The following SORBS2 variants were observed in gnomAD, a reference collection of about 807,000 sequenced individuals.
The protein encoded by SORBS2 is sorbin and SH3 domain-containing protein 2.
In SORBS2, 46 loss-of-function variants were observed where a neutral mutation model predicts 97.7. That is an observed-to-expected ratio of 0.47 (90% CI 0.37 to 0.60). The LOEUF is 0.60. Among genes scored for constraint, SORBS2 ranks in the 20% least tolerant of loss-of-function variants. The pLI is 0.00. For missense variants in SORBS2, 1,316 were observed against 1,282.3 expected (o/e 1.03, Z -0.40); for synonymous variants, 476 against 473.4 (o/e 1.01, Z -0.07).
chr4:185,616,214 T>C (rs537224839), intron 9 of SORBS2, among the ~76,000 whole-genome samples: 11 of 152,240 alleles, frequency 7.2e-5, no homozygotes, highest in Non-Finnish European at 1.3e-4. Flanking sequence ...TTTATTAGTA[T>C]AGGCCGTTTG....
chr4:185,603,794 G>C (rs913725176), intron 12 of SORBS2, among the ~76,000 whole-genome samples: 8 of 152,184 alleles, frequency 5.3e-5, no homozygotes, highest in Non-Finnish European at 8.8e-5. Flanking sequence ...TTTAAAAATA[G>C]TATCTTTAGG....
intron 4 of SORBS2, among the ~76,000 whole-genome samples, chr4:185,639,864 T>C (rs370403810): frequency 5.3e-5 from 8 of 152,308 alleles, no homozygotes; most frequent in African/African-American, 1.9e-4. Flanking sequence ...ACTCAGGGAC[T>C]TAAACTGAAT....
At chr4:185,625,542 T>A (rs1465493736) in intron 6 of SORBS2, among the ~76,000 whole-genome samples, 1 of 152,242 alleles carries the variant, frequency 6.6e-6, no homozygotes, top group Non-Finnish European at 1.5e-5. Flanking sequence ...TGATTTAACA[T>A]TCCCTGTGAT....
At chr4:185,890,341 C>T (rs2099241817) in intron 1 of SORBS2, among the ~76,000 whole-genome samples, 1 of 152,172 alleles carries the variant, frequency 6.6e-6, no homozygotes, top group South Asian at 2.1e-4. Flanking sequence ...CCGTGGCTAA[C>T]ATCTATGGAA....
intron 1 of SORBS2, among the ~76,000 whole-genome samples, chr4:185,854,137 C>A (rs1444684053): frequency 6.6e-6 from 1 of 152,178 alleles, no homozygotes; most frequent in African/African-American, 2.4e-5. Context: ...CCAGAGGAAG[C>A]AGCACCTGAG....
chr4:185,886,554 C>CAAAAAA (rs1198439527), intron 1 of SORBS2, among the ~76,000 whole-genome samples: 25 of 72,760 alleles, frequency 3.4e-4, no homozygotes, highest in East Asian at 1.1e-3. Flanking sequence ...GACTCTGTCT[C>CAAAAAA]AAAAAAAAAA....
At chr4:185,723,660 A>C (rs1190512520) in intron 2 of SORBS2, among the ~76,000 whole-genome samples, 1 of 152,208 alleles carries the variant, frequency 6.6e-6, no homozygotes, top group Non-Finnish European at 1.5e-5. Context: ...AGTGTGTCTT[A>C]TCCATGCTTG....
chr4:185,951,767 A>G (rs1165458468), intron 1 of SORBS2, among the ~76,000 whole-genome samples: 1 of 152,190 alleles, frequency 6.6e-6, no homozygotes, highest in Non-Finnish European at 1.5e-5. Context: ...CACCTTTCCC[A>G]TCGGGTAACT....
intron 3 of SORBS2, among the ~76,000 whole-genome samples, chr4:185,647,537 C>T (rs1391780616): frequency 1.3e-5 from 2 of 151,902 alleles, no homozygotes; most frequent in Non-Finnish European, 2.9e-5. Context: ...TCTCCTCAGC[C>T]TCCCAGGGGC....
chr4:185,642,350 T>C (rs937672450), intron 4 of SORBS2, among the ~76,000 whole-genome samples: 119 of 152,062 alleles, frequency 7.8e-4, no homozygotes, highest in African/African-American at 2.6e-3. Flanking sequence ...CATTTTCATA[T>C]ATTTTTTTTT....
chr4:185,884,034 G>C (rs1006898046), intron 1 of SORBS2, among the ~76,000 whole-genome samples: 6 of 152,160 alleles, frequency 3.9e-5, no homozygotes, highest in Admixed American at 3.3e-4. Flanking sequence ...ATCAGGAGGT[G>C]GGGGAGGAAG....
At chr4:185,836,401 T>G (rs1014529070) in intron 1 of SORBS2, among the ~76,000 whole-genome samples, 1 of 152,158 alleles carries the variant, frequency 6.6e-6, no homozygotes, top group Non-Finnish European at 1.5e-5. Flanking sequence ...AGAGGTCAGG[T>G]GGGACACAGA....
intron 1 of SORBS2, among the ~76,000 whole-genome samples, chr4:185,912,182 T>A (rs2099255504): frequency 6.6e-6 from 1 of 152,192 alleles, no homozygotes; most frequent in African/African-American, 2.4e-5. Flanking sequence ...TTCTTTCTTT[T>A]CTCAGTGGTG....
chr4:185,763,905 G>T (rs2098919271), intron 2 of SORBS2, among the ~76,000 whole-genome samples: 1 of 152,066 alleles, frequency 6.6e-6, no homozygotes, highest in Non-Finnish European at 1.5e-5. Context: ...AAAACAAATA[G>T]AAAAAATTGG....
chr4:185,645,510 T>C (rs1031533688), intron 4 of SORBS2: 2 of 152,194 alleles, frequency 1.3e-5, no homozygotes, highest in East Asian at 1.9e-4. Context: ...TATCTGATGA[T>C]AAGGTTTTGA....
At chr4:185,909,975 C>T (rs1186413722) in intron 1 of SORBS2, among the ~76,000 whole-genome samples, 1 of 128,044 alleles carries the variant, frequency 7.8e-6, no homozygotes, top group African/African-American at 3.0e-5. Context: ...CAGAGCTAGA[C>T]TCCATCTCAG....
At position 185,623,156 on chromosome 4, in the gene SORBS2, T is replaced by A; in HGVS notation, c.1973A>T (p.Asn658Ile). 1 of 1,614,168 alleles carries A rather than the reference T, an allele frequency of 6.2e-7. No individual in the cohort carries two copies. Among genetic ancestry groups the A allele is most frequent in the Non-Finnish European group, 8.5e-7 (1 of 1,180,020 alleles). ...ACTGATGAGGCGGTGCAGGATGCTGTTGTCCGGCAAGCTCCCCCTTTTCTT... is the reference window on the plus strand; with the variant it reads ...ACTGATGAGGCGGTGCAGGATGCTGATGTCCGGCAAGCTCCCCCTTTTCTT... The change falls in exon 7 of 15, where the codon AAC (asparagine) becomes ATC (isoleucine). Residue 658 changes from asparagine to isoleucine, a missense_variant. By Grantham distance (149) the Asn-to-Ile change is moderately radical (BLOSUM62 -3). Coordinates refer to ENST00000418609, the Ensembl canonical transcript of SORBS2. This position sits in a 1 kb window ranked among gnomAD's most constrained non-coding sequence, Gnocchi z 6.4.
At chr4:185,671,475 T>C (rs1366601546) in intron 4 of SORBS2, among the ~76,000 whole-genome samples, 2 of 152,210 alleles carry the variant, frequency 1.3e-5, no homozygotes, top group Non-Finnish European at 2.9e-5. Context: ...CTCAGTTCCT[T>C]CATGTGTAAA....
chr4:185,839,241 A>AAGCCTCTGACTTAACCTC (rs1439067519), intron 1 of SORBS2, among the ~76,000 whole-genome samples: 1 of 152,264 alleles, frequency 6.6e-6, no homozygotes, highest in African/African-American at 2.4e-5. Flanking sequence ...ACTTGGATAC[A>AAGCCTCTGACTTAACCTC]AGCCTCTGAC....
Sources: gnomAD v4.1 joint callset for allele counts (sites outside exome capture counted in the v4.1 genomes callset) on GRCh38, gnomAD v4.1.1 for gene constraint, Gnocchi (gnomAD v3.1) non-coding constraint, MANE v1.5 for transcripts, NCBI Gene and HGNC (gene_info 2026-07-23, HGNC 2026-07-21) for gene names.